The following ACSBG1 variants were observed in gnomAD, a reference collection of about 807,000 sequenced individuals.
The protein encoded by ACSBG1 is long-chain-fatty-acid--CoA ligase ACSBG1.
ACSBG1 carries 39 observed loss-of-function variants against 80.2 expected under a neutral mutation model. The observed-to-expected ratio is 0.49, with a 90% CI of 0.38 to 0.64. The LOEUF (loss-of-function observed/expected upper bound fraction) is 0.64, where lower values mean the gene tolerates loss of function less well. Ranked by LOEUF, ACSBG1 falls within the 30% of genes least tolerant of loss-of-function variation. The pLI is 0.00. For missense variants in ACSBG1, 828 were observed against 966.4 expected, an observed-to-expected ratio of 0.86 and a Z score of 1.90; for synonymous variants, 392 against 379.5, an observed-to-expected ratio of 1.03 and a Z score of -0.38.
intron 5 of ACSBG1, among the ~76,000 whole-genome samples, chr15:78,187,882 AT>A (rs2075020876): frequency 6.6e-6 from 1 of 152,142 alleles, no homozygotes; most frequent in Non-Finnish European, 1.5e-5. Context: ...AGGAAGTCAA[AT>A]TGTCCCTGTT....
Position 78,171,313 on chromosome 15 carries a change from C to T in ACSBG1, c.*131G>A. ...AGACCTGGTAAATGTAGAGCCAGTG[C>T]TGTGCCCTGACCTGGAGATCTAACA... On this transcript the variant is annotated 3_prime_UTR_variant, in exon 14 of 14. Transcript: ENST00000258873. 1 of 663,014 alleles carries T rather than the reference C, an allele frequency of 1.5e-6. No homozygotes were observed. The highest frequency in any genetic ancestry group is 2.6e-6 in the Non-Finnish European group (1 of 385,830). The allele number at this position is 663,014 out of a possible 1,614,324, so 41.1% of individuals were successfully genotyped here.
Position 78,180,794 on chromosome 15 carries a change from A to G in ACSBG1, c.1214T>C (p.Met405Thr), listed in dbSNP as rs759686118. The G allele has an allele frequency of 1.2e-6, 2 of 1,614,190 alleles. No homozygotes were observed. Among genetic ancestry groups the G allele is most frequent in the African/African-American group, 1.3e-5 (1 of 75,074 alleles). Residue 405 changes from methionine (M) to threonine (T), a missense_variant, in exon 9 of 14, where the codon ATG (methionine) becomes ACG (threonine). Around this residue, in one of 3 missense-constraint regions of ACSBG1, gnomAD observed 271 missense variants for 375.9 expected, o/e 0.72. Transcript: ENST00000258873. ...GAGGTTCTGCTCCAAGGTCACCGAC[A>G]TGGCCCACAGCAGCATCTTTCGCCG... is the stretch of plus-strand genomic sequence containing the variant. ...FIRRKMLLWA[M>T]SVTLEQNLTC...
intron 1 of ACSBG1, among the ~76,000 whole-genome samples, chr15:78,227,237 A>AG (rs2075412169): frequency 1.3e-5 from 2 of 150,944 alleles, no homozygotes; most frequent in South Asian, 2.1e-4. Flanking sequence ...AAAAAAAAAA[A>AG]AAAAAAAGAT....
Position 78,194,688 on chromosome 15 carries a change from G to A in ACSBG1, c.271C>T (p.Arg91Cys), listed in dbSNP as rs1229148803. 4.3e-6 allele frequency: 7 copies of A among 1,613,570 alleles called. No individual in the cohort carries two copies. Among genetic ancestry groups the A allele is most frequent in the South Asian group, 1.1e-5 (1 of 91,078 alleles). Residue 91 changes from arginine to cysteine, a missense_variant, in exon 3 of 14, where the codon CGC (arginine) becomes TGC (cysteine). Coordinates refer to ENST00000258873, the MANE Select transcript of ACSBG1 (RefSeq NM_015162.5). ...GGGCAGCTGGGGTCTATGCGCAGGC[G>A]CACCCGCCCATCGGCCCGAGTCGTC... ...LWTTRADGRV[R>C]LRIDPSCPQL...
At chr15:78,179,815 TCACACACACACA>T (rs58848105) in intron 9 of ACSBG1, 35 bp from the exon 10 acceptor site, 8 of 932,970 alleles carry the variant, frequency 8.6e-6, no homozygotes, top group East Asian at 5.4e-5. Context: ...ACAGAAGAAA[TCACACACACACA>T]CACACACACA....
At position 78,168,857 on chromosome 15, in the gene ACSBG1, A is replaced by T; in HGVS notation, c.*2587T>A. 1 of 1,089,144 alleles carries T rather than the reference A, an allele frequency of 9.2e-7. No homozygotes were observed. The highest frequency in any genetic ancestry group is 1.4e-6 in the Non-Finnish European group (1 of 715,140). 67.5% of individuals were successfully genotyped at this position (1,089,144 alleles called of 1,614,324 possible). A position where few individuals can be genotyped will look rare whatever the true frequency, so the allele number is the denominator to read the frequency against. On this transcript the variant is annotated 3_prime_UTR_variant, in exon 14 of 14. Transcript: ENST00000258873. ...CAGGTGGCATCTCACTGAGGGCTTTAAAATCTCCTTGGTTTAGTTTAGTTT... is the reference window on the plus strand; with the variant it reads ...CAGGTGGCATCTCACTGAGGGCTTTTAAATCTCCTTGGTTTAGTTTAGTTT...
At chr15:78,216,174 G>A (rs542388974) in intron 1 of ACSBG1, among the ~76,000 whole-genome samples, 5 of 152,324 alleles carry the variant, frequency 3.3e-5, no homozygotes, top group South Asian at 4.1e-4. Context: ...GTTCCCTGAG[G>A]ATCCTCCTTC....
chr15:78,229,177 G>C (rs564106543), intron 1 of ACSBG1, among the ~76,000 whole-genome samples: 5 of 151,926 alleles, frequency 3.3e-5, no homozygotes, highest in African/African-American at 1.2e-4. Context: ...AACTCCTTAA[G>C]GTAGAGACTT....
rs754090935 is a variant in ACSBG1, at chr15:78,181,951, C to T, written c.1071+18G>A. On this transcript the variant is annotated intron_variant, in intron 8 of 13. Coordinates refer to ENST00000258873, the MANE Select transcript of ACSBG1 (RefSeq NM_015162.5). ...TGGCACACGGGCTCAGACGGACACA[C>T]GGTAAAGGCAGACTGACCTTCAGGG... is the stretch of plus-strand genomic sequence containing the variant. The T allele has an allele frequency of 1.7e-5, 28 of 1,610,840 alleles. No homozygotes were observed. Among genetic ancestry groups the T allele is most frequent in the East Asian group, 2.2e-5 (1 of 44,882 alleles).
intron 1 of ACSBG1, among the ~76,000 whole-genome samples, chr15:78,222,323 C>G (rs988805734): frequency 6.6e-6 from 1 of 152,152 alleles, no homozygotes; most frequent in African/African-American, 2.4e-5. Flanking sequence ...GAAGTGACTA[C>G]TAATGGGTAT....
Position 78,177,882 on chromosome 15 carries a change from G to T in ACSBG1, c.1702+732C>A, listed in dbSNP as rs1336017126. ...GCAGGCAGAACATTCTTCCACAGAGGCATCCCCAACTATTTCTGTCTCTGT... is the reference window on the plus strand; with the variant it reads ...GCAGGCAGAACATTCTTCCACAGAGTCATCCCCAACTATTTCTGTCTCTGT... On this transcript the variant is annotated intron_variant, in intron 11 of 13. Transcript: ENST00000258873. This position sits in a 1 kb window ranked among gnomAD's most constrained non-coding sequence, Gnocchi z 4.1. Among the ~76,000 whole-genome samples, 1 of 152,158 alleles carries T rather than the reference G, an allele frequency of 6.6e-6. No homozygotes were observed. Among genetic ancestry groups the T allele is most frequent in the Non-Finnish European group, 1.5e-5 (1 of 68,034 alleles).
At chr15:78,201,877 G>A (rs955872604) in intron 2 of ACSBG1, among the ~76,000 whole-genome samples, 7 of 152,218 alleles carry the variant, frequency 4.6e-5, no homozygotes, top group Non-Finnish European at 7.3e-5. Flanking sequence ...GCATGAGACC[G>A]GAGCTGCAAG....
intron 5 of ACSBG1, among the ~76,000 whole-genome samples, chr15:78,190,782 A>G (rs927712192): frequency 6.6e-6 from 1 of 152,106 alleles, no homozygotes; most frequent in Non-Finnish European, 1.5e-5. Flanking sequence ...AAAGATGCAT[A>G]TTGTAAAATC....
chr15:78,214,812 C>G (rs956341649), intron 1 of ACSBG1, among the ~76,000 whole-genome samples: 1 of 152,162 alleles, frequency 6.6e-6, no homozygotes, highest in African/African-American at 2.4e-5. Context: ...TCAAGGTCCT[C>G]CACCTAGTCA....
At chr15:78,206,981 G>A (rs2075221597) in intron 2 of ACSBG1, among the ~76,000 whole-genome samples, 2 of 152,210 alleles carry the variant, frequency 1.3e-5, no homozygotes, top group African/African-American at 2.4e-5. Flanking sequence ...GGCCCCTGGT[G>A]CCAACACCTG....
At chr15:78,207,519 CAATT>C (rs1312277990) in intron 2 of ACSBG1, among the ~76,000 whole-genome samples, 1 of 152,112 alleles carries the variant, frequency 6.6e-6, no homozygotes, top group Middle Eastern at 3.4e-3. Context: ...CCTTAAGGCA[CAATT>C]ATTTGATGGT....
intron 1 of ACSBG1, among the ~76,000 whole-genome samples, chr15:78,224,496 G>A (rs2075384521): frequency 2.0e-5 from 3 of 152,196 alleles, no homozygotes; most frequent in African/African-American, 7.2e-5. Context: ...AAGGCAGGCA[G>A]ATCACAAGAT....
At chr15:78,216,540 T>C (rs904982828) in intron 1 of ACSBG1, among the ~76,000 whole-genome samples, 10 of 152,170 alleles carry the variant, frequency 6.6e-5, no homozygotes, top group Admixed American at 5.9e-4. Context: ...AGCAGAGATC[T>C]GCTAGGGACC....
intron 1 of ACSBG1, among the ~76,000 whole-genome samples, chr15:78,214,032 T>G (rs1383394965): frequency 6.6e-6 from 1 of 152,210 alleles, no homozygotes; most frequent in Admixed American, 6.5e-5. Flanking sequence ...GTTTACCCAG[T>G]ATGTGCATGT....
Sources: allele counts gnomAD v4.1 joint callset (sites outside exome capture counted in the v4.1 genomes callset), GRCh38; gene constraint gnomAD v4.1.1; regional missense constraint gnomAD v4.1.1; non-coding constraint Gnocchi (gnomAD v3.1); transcripts MANE v1.5; gene names NCBI Gene and HGNC (gene_info 2026-07-23, HGNC 2026-07-21).